Variants in PRKD2 observed in about 807,000 individuals in gnomAD.
PRKD2 encodes protein kinase D2.
Under a neutral mutation model 86.0 loss-of-function variants are expected in PRKD2, and 22 were observed. The observed-to-expected ratio is 0.26, with a 90% CI of 0.18 to 0.37. The LOEUF (loss-of-function observed/expected upper bound fraction) is 0.37. Among genes scored for constraint, PRKD2 ranks in the 10% least tolerant of loss-of-function variants. The pLI, the probability that PRKD2 is intolerant of heterozygous loss-of-function variation, is 1.00. For synonymous variants in PRKD2, 509 were observed against 510.9 expected (o/e 1.00, Z 0.05); for missense variants, 818 against 1,199.2 (o/e 0.68, Z 4.70).
chr19:46,714,877 C>T (rs1030547566), intron 1 of PRKD2, among the ~76,000 whole-genome samples: 4 of 152,190 alleles, frequency 2.6e-5, no homozygotes, highest in African/African-American at 4.8e-5. Context: ...TATCAGTTCT[C>T]ACTGCTAAGA....
intron 16 of PRKD2, chr19:46,677,345 C>A: frequency 6.6e-6 from 1 of 152,510 alleles, no homozygotes. Flanking sequence ...CTGGAACAGT[C>A]AATGCCTGGC....
rs1045798607 is a variant in PRKD2, at chr19:46,704,335, AGAG to A, written c.720_722del (p.Ser242del). The A allele has an allele frequency of 6.2e-7, 1 of 1,614,202 alleles. No homozygotes were observed. Among genetic ancestry groups the A allele is most frequent in the Non-Finnish European group, 8.5e-7 (1 of 1,180,040 alleles). On this transcript the variant is annotated inframe_deletion, in exon 5 of 18. Coordinates refer to ENST00000291281, the MANE Select transcript of PRKD2 (RefSeq NM_016457.5). The stretch of plus-strand genomic sequence containing the variant: ...GGCGGCCCGTATACGATGAGGCAGA[AGAG>A]GAGGAAGAGGATGACGGGGGACGGC...
chr19:46,674,412 C>T lies in PRKD2; in HGVS notation c.*111G>A, dbSNP rs1198393768. 1.7e-6 allele frequency: 2 copies of T among 1,199,504 alleles called. No individual in the cohort carries two copies. Among genetic ancestry groups the T allele is most frequent in the East Asian group, 5.1e-5 (2 of 39,028 alleles). The allele number at this position is 1,199,504 out of a possible 1,614,324, so 74.3% of individuals were successfully genotyped here. ...AAATAGCTCCCCCCACCCCACTCCCCACGTGTCCCATCCAGTTTGGGCAGG... is the reference window on the plus strand; with the variant it reads ...AAATAGCTCCCCCCACCCCACTCCCTACGTGTCCCATCCAGTTTGGGCAGG... On this transcript the variant is annotated 3_prime_UTR_variant, in exon 18 of 18. Transcript: ENST00000291281.
intron 14 of PRKD2, among the ~76,000 whole-genome samples, chr19:46,684,736 G>A (rs757895894): frequency 6.6e-6 from 1 of 152,066 alleles, no homozygotes; most frequent in Non-Finnish European, 1.5e-5. Flanking sequence ...AGGCTGAGGC[G>A]GGCAGATCAC....
At chr19:46,707,026 TGG>T (rs2053723337) in intron 3 of PRKD2, among the ~76,000 whole-genome samples, 10 of 151,826 alleles carry the variant, frequency 6.6e-5, no homozygotes, top group Admixed American at 5.3e-4. Context: ...CCCGAGTAGC[TGG>T]GATTATAGGT....
chr19:46,700,365 C>CA, intron 7 of PRKD2, among the ~76,000 whole-genome samples: 1 of 151,832 alleles, frequency 6.6e-6, no homozygotes. Context: ...CTCCAGTGGG[C>CA]AACAAAGCAA....
Position 46,681,720 on chromosome 19 carries a change from A to C in PRKD2, c.2000T>G (p.Phe667Cys). 1.2e-6 allele frequency: 2 copies of C among 1,613,356 alleles called. No individual in the cohort carries two copies. The highest frequency in any genetic ancestry group is 1.7e-6 in the Non-Finnish European group (2 of 1,179,644). The change falls in exon 15 of 18, where the codon TTC becomes TGC. Residue 667 changes from phenylalanine to cysteine, a missense_variant. Around this residue, in one of 5 missense-constraint regions of PRKD2, gnomAD observed 154 missense variants for 359.6 expected, o/e 0.43. Transcript: ENST00000291281. ...CAAGTCACAGTGGACAATGTTCTTG[A>C]AGTGAAGGTGTCTCAAAGCCACCAG... ...QILVALRHLH[F>C]KNIVHCDLKP...
Position 46,701,025 on chromosome 19 carries a change from A to G in PRKD2, c.967+10T>C. The stretch of plus-strand genomic sequence containing the variant: ...TCCCCTTTCTCCCCAGCATCCCCCC[A>G]GCCTCTCACCTCCATTGATAAGGGC... On this transcript the variant is annotated intron_variant, in intron 6 of 17. Coordinates refer to ENST00000291281, the MANE Select transcript of PRKD2 (RefSeq NM_016457.5). The G allele has an allele frequency of 6.2e-7, 1 of 1,613,918 alleles. No homozygotes were observed. The highest frequency in any genetic ancestry group is 8.5e-7 in the Non-Finnish European group (1 of 1,179,926).
At chr19:46,714,321 G>A (rs928688539) in intron 1 of PRKD2, 1 of 1,124,612 alleles carries the variant, frequency 8.9e-7, no homozygotes, top group South Asian at 2.5e-5. Flanking sequence ...GATGCTGAAT[G>A]AACACTCCCT....
intron 7 of PRKD2, 143 bp downstream of exon 7, chr19:46,700,656 G>T: frequency 9.1e-7 from 1 of 1,100,006 alleles, no homozygotes; most frequent in Non-Finnish European, 1.3e-6. Context: ...AAAAAAAATT[G>T]TAGTGCTTTA....
chr19:46,679,205 C>T (rs1001569720), intron 15 of PRKD2, among the ~76,000 whole-genome samples: 1 of 152,074 alleles, frequency 6.6e-6, no homozygotes, highest in Admixed American at 6.6e-5. Context: ...TAGCACACGC[C>T]TGCGGTCCCA....
intron 5 of PRKD2, among the ~76,000 whole-genome samples, chr19:46,701,774 G>A (rs1568730865): frequency 6.6e-6 from 1 of 151,862 alleles, no homozygotes; most frequent in Non-Finnish European, 1.5e-5. Context: ...ATAATTCCTT[G>A]TTTTAGGGCA....
Position 46,716,317 on chromosome 19 carries a change from C to T in PRKD2, c.54G>A (p.Gly18=). The T allele has an allele frequency of 6.6e-7, 1 of 1,505,040 alleles. No individual in the cohort carries two copies. The highest frequency in any genetic ancestry group is 8.9e-7 in the Non-Finnish European group (1 of 1,129,124). The allele number at this position is 1,505,040 out of a possible 1,614,324, so 93.2% of individuals were successfully genotyped here. The change falls in exon 1 of 18, where the codon GGG becomes GGA. Residue 18 remains glycine (G), a synonymous_variant. Coordinates refer to ENST00000291281, the MANE Select transcript of PRKD2 (RefSeq NM_016457.5). This position sits in a 1 kb window ranked among gnomAD's most constrained non-coding sequence, Gnocchi z 7.9. ...PAGLPGSPGP[G]SPPPPGGLEL... ...CTAGGCCGCCGGGGGGCGGAGGAGA[C>T]CCCGGCCCGGGAGAGCCAGGGAGCC...
intron 16 of PRKD2, among the ~76,000 whole-genome samples, chr19:46,677,791 G>A (rs1256683223): frequency 2.0e-5 from 3 of 152,114 alleles, no homozygotes. Flanking sequence ...CCAGGACTCA[G>A]GGTCAGCCCT....
intron 9 of PRKD2, among the ~76,000 whole-genome samples, chr19:46,695,228 T>TGTA (rs1361333085): frequency 6.6e-6 from 1 of 152,104 alleles, no homozygotes; most frequent in African/African-American, 2.4e-5. Context: ...GGCTCATGCC[T>TGTA]GTAATCCCAA....
intron 7 of PRKD2, among the ~76,000 whole-genome samples, chr19:46,699,010 T>C (rs745624750): frequency 1.3e-5 from 2 of 152,132 alleles, no homozygotes; most frequent in African/African-American, 2.4e-5. Context: ...TTCAGGCTGC[T>C]TGGGTTGGGA....
chr19:46,690,156 C>G (rs1209135417), intron 13 of PRKD2, among the ~76,000 whole-genome samples: 1 of 152,082 alleles, frequency 6.6e-6, no homozygotes, highest in African/African-American at 2.4e-5. Flanking sequence ...AATCCATACC[C>G]CCTCTCACAT....
At chr19:46,710,480 GC>G (rs1463244502) in intron 3 of PRKD2, 1 of 159,564 alleles carries the variant, frequency 6.3e-6, no homozygotes, top group Non-Finnish European at 1.4e-5. Flanking sequence ...CCCCCACTGT[GC>G]CCAGCCAGAT....
At chr19:46,680,655 A>G (rs1287346184) in intron 15 of PRKD2, among the ~76,000 whole-genome samples, 5 of 151,698 alleles carry the variant, frequency 3.3e-5, no homozygotes, top group African/African-American at 1.2e-4. Flanking sequence ...TGTTATACAC[A>G]CCAGATTTTG....
Sources: gnomAD v4.1 joint callset for allele counts (sites outside exome capture counted in the v4.1 genomes callset) on GRCh38, gnomAD v4.1.1 for gene constraint, gnomAD v4.1.1 regional missense constraint, Gnocchi (gnomAD v3.1) non-coding constraint, MANE v1.5 for transcripts, NCBI Gene and HGNC (gene_info 2026-07-23, HGNC 2026-07-21) for gene names.